ZNF726: variants seen among roughly 807,000 people sequenced by gnomAD.
The protein encoded by ZNF726 is zinc finger protein 92 pseudogene 3.
In ZNF726, 15 loss-of-function variants were observed where a neutral mutation model predicts 11.6. The ratio of observed to expected loss-of-function variants is 1.29; its 90% CI spans 0.86 to 1.99. The LOEUF (loss-of-function observed/expected upper bound fraction) is 1.99. Ranked by LOEUF, ZNF726 falls within the 30% of genes most tolerant of loss-of-function variation. The pLI, the probability that ZNF726 is intolerant of heterozygous loss-of-function variation, is 0.00. For synonymous variants in ZNF726, 295 were observed against 243.6 expected (o/e 1.21, Z -1.96); for missense variants, 890 against 725.6 (o/e 1.23, Z -2.60).
chr19:23,936,622 G>T (rs930080218), downstream of ZNF726, among the ~76,000 whole-genome samples: 1 of 151,994 alleles, frequency 6.6e-6, no homozygotes, highest in Non-Finnish European at 1.5e-5. Context: ...TAAGTAGAGA[G>T]GCTCTTTGGG....
At chr19:23,918,490 A>G (rs1967759810) in intron 1 of ZNF726, among the ~76,000 whole-genome samples, 1 of 152,186 alleles carries the variant, frequency 6.6e-6, no homozygotes, top group African/African-American at 2.4e-5. Context: ...TTCCATAAAA[A>G]TGATGTTTTC....
intron 3 of ZNF726, among the ~76,000 whole-genome samples, chr19:23,922,363 A>G (rs527272355): frequency 1.3e-5 from 2 of 152,324 alleles, no homozygotes; most frequent in African/African-American, 2.4e-5. Flanking sequence ...ACTGTGGCTC[A>G]GGGAGCTGGA....
downstream of ZNF726, chr19:23,935,938 A>G (rs1350092078): frequency 6.6e-6 from 1 of 152,422 alleles, no homozygotes; most frequent in Non-Finnish European, 1.5e-5. Flanking sequence ...TATTTTGAAA[A>G]AGCATTACAA....
intron 3 of ZNF726, chr19:23,928,896 CAG>C (rs1383020069): frequency 2.6e-5 from 4 of 152,236 alleles, no homozygotes; most frequent in African/African-American, 9.6e-5. Context: ...TTCTCAAACT[CAG>C]AAGATTCTCT....
chr19:23,937,055 C>G (rs1364220044), downstream of ZNF726, among the ~76,000 whole-genome samples: 1 of 151,036 alleles, frequency 6.6e-6, no homozygotes, highest in African/African-American at 2.4e-5. Flanking sequence ...CGCCCCTCAC[C>G]TCCCGAACGG....
chr19:23,936,183 A>G (rs1968227814), downstream of ZNF726: 1 of 152,234 alleles, frequency 6.6e-6, no homozygotes, highest in South Asian at 2.1e-4. Flanking sequence ...TTAAATATGA[A>G]AGATGTTCAA....
intron 3 of ZNF726, among the ~76,000 whole-genome samples, chr19:23,925,222 G>T (rs1049967842): frequency 6.6e-6 from 1 of 151,614 alleles, no homozygotes; most frequent in African/African-American, 2.4e-5. Context: ...ATGTCTTCAG[G>T]TTCCTATGTT....
At chr19:23,937,652 C>A (rs566930242), downstream of ZNF726, among the ~76,000 whole-genome samples, 1 of 151,968 alleles carries the variant, frequency 6.6e-6, no homozygotes, top group Non-Finnish European at 1.5e-5. Flanking sequence ...ATGCTCCTCA[C>A]TTTCCAGACT....
intron 4 of ZNF726, chr19:23,943,681 G>C (rs1968373710): frequency 6.9e-6 from 3 of 435,792 alleles, no homozygotes; most frequent in African/African-American, 2.0e-5. Context: ...GGGATGCTCT[G>C]CTTCAGTGGA....
chr19:23,932,979 A>G lies in ZNF726; in HGVS notation c.863A>G (p.Glu288Gly). 1 of 1,612,596 alleles carries G rather than the reference A, an allele frequency of 6.2e-7. No homozygotes were observed. The highest frequency in any genetic ancestry group is 8.5e-7 in the Non-Finnish European group (1 of 1,179,834). Reference sequence around the variant, plus strand: ...ACTGGAGAGAAACCCTGCAAATGTGAAGAATGTGGCAAAGCATTTAGCCAA... The same window carrying G: ...ACTGGAGAGAAACCCTGCAAATGTGGAGAATGTGGCAAAGCATTTAGCCAA... ...IHTGEKPCKC[E>G]ECGKAFSQPS... The change falls in exon 4 of 4, where the codon GAA (glutamate) becomes GGA (glycine). Residue 288 changes from glutamate (E) to glycine (G), a missense_variant. By Grantham distance (98) the Glu-to-Gly change is moderately conservative. Transcript: ENST00000594466.
At chr19:23,942,364 C>T (rs1968351467) in intron 3 of ZNF726, among the ~76,000 whole-genome samples, 1 of 152,110 alleles carries the variant, frequency 6.6e-6, no homozygotes. Context: ...TATTGAGGCT[C>T]GTTTTATGGC....
At chr19:23,927,586 G>A (rs115681273) in intron 3 of ZNF726, among the ~76,000 whole-genome samples, 5,330 of 152,104 alleles carry the variant, frequency 0.035, 196 homozygotes, top group African/African-American at 0.091. Flanking sequence ...CAACCTACTG[G>A]GCTCAAGTGA....
At position 23,915,362 on chromosome 19, in the gene ZNF726, T is replaced by C. The variant is rs544921204; in HGVS notation, c.3+365T>C. On this transcript the variant is annotated intron_variant, in intron 1 of 3. Transcript: ENST00000594466. Reference sequence around the variant, plus strand: ...ATGGGAAGAGCTTTGGTCCGTGGGGTTTTCAGGCCATTTTTTCCTATTAAA... The same window carrying C: ...ATGGGAAGAGCTTTGGTCCGTGGGGCTTTCAGGCCATTTTTTCCTATTAAA... 4.1e-4 allele frequency among the ~76,000 whole-genome samples: 62 copies of C among 152,122 alleles called. 1 individual carries two copies. The highest frequency in any genetic ancestry group is 1.4e-3 in the African/African-American group (60 of 41,504).
At position 23,932,909 on chromosome 19, in the gene ZNF726, G is replaced by C; in HGVS notation, c.793G>C (p.Ala265Pro). Residue 265 changes from alanine (A) to proline (P), a missense_variant, in exon 4 of 4, where the codon GCA becomes CCA. By Grantham distance (27) the Ala-to-Pro change is conservative. Coordinates refer to ENST00000594466, the MANE Select transcript of ZNF726 (RefSeq NM_001244038.2). ...TTACAAGTGTGAAGAATGTGGCAAA[G>C]CATTTAGCCAATCCTCAACACTAAC... ...KPYKCEECGK[A>P]FSQSSTLTIH... is the part of the protein sequence containing the mutation. The C allele has an allele frequency of 1.9e-6, 3 of 1,610,446 alleles. No individual in the cohort carries two copies. The highest frequency in any genetic ancestry group is 2.5e-6 in the Non-Finnish European group (3 of 1,178,900).
intron 3 of ZNF726, chr19:23,928,907 CTCATT>C (rs1456834537): frequency 1.3e-5 from 2 of 152,068 alleles, no homozygotes; most frequent in South Asian, 2.1e-4. Flanking sequence ...AGAAGATTCT[CTCATT>C]TCAGCCTCTC....
intron 3 of ZNF726, among the ~76,000 whole-genome samples, chr19:23,921,747 T>C (rs1235548931): frequency 1.3e-5 from 2 of 152,168 alleles, no homozygotes; most frequent in African/African-American, 2.4e-5. Context: ...ATCAACTGAG[T>C]GTATTAATTA....
At chr19:23,937,286 A>AC (rs957821325), downstream of ZNF726, among the ~76,000 whole-genome samples, 13 of 142,672 alleles carry the variant, frequency 9.1e-5, no homozygotes, top group South Asian at 2.3e-4. Flanking sequence ...CGGGGGGCTG[A>AC]CCCCCCCACC....
At chr19:23,926,215 G>A (rs939849950) in intron 3 of ZNF726, among the ~76,000 whole-genome samples, 2 of 151,764 alleles carry the variant, frequency 1.3e-5, no homozygotes, top group African/African-American at 4.8e-5. Context: ...TAAGAAAATG[G>A]CCCCAAGACT....
chr19:23,935,128 G>A, downstream of ZNF726: 1 of 370,352 alleles, frequency 2.7e-6, no homozygotes, highest in South Asian at 2.0e-5. Context: ...CAGTTTGGCT[G>A]TAACCCCACG....
Sources: allele counts gnomAD v4.1 joint callset (sites outside exome capture counted in the v4.1 genomes callset), GRCh38; gene constraint gnomAD v4.1.1; transcripts MANE v1.5; gene names NCBI Gene and HGNC (gene_info 2026-07-23, HGNC 2026-07-21).